Variants in SH3PXD2A observed in about 807,000 individuals in gnomAD.
The protein encoded by SH3PXD2A is SH3 and PX domains 2A, also known as SH3 and PX domain-containing protein 2A.
SH3PXD2A carries 32 observed loss-of-function variants against 115.2 expected under a neutral mutation model. The ratio of observed to expected loss-of-function variants is 0.28; its 90% CI spans 0.21 to 0.37. The LOEUF (loss-of-function observed/expected upper bound fraction) is 0.37. Among genes scored for constraint, SH3PXD2A ranks in the 10% least tolerant of loss-of-function variants. SH3PXD2A has a pLI of 1.00. For missense variants in SH3PXD2A, 1,328 were observed against 1,498.7 expected (o/e 0.89, Z 1.88); for synonymous variants, 610 against 629.1 (o/e 0.97, Z 0.45).
chr10:103,622,877 C>G (rs563431343), intron 9 of SH3PXD2A, among the ~76,000 whole-genome samples: 1 of 152,334 alleles, frequency 6.6e-6, no homozygotes, highest in East Asian at 1.9e-4. Context: ...AAGACAGCCC[C>G]TCAGCTACAG....
At chr10:103,647,153 G>A (rs868798752) in intron 8 of SH3PXD2A, among the ~76,000 whole-genome samples, 2 of 152,150 alleles carry the variant, frequency 1.3e-5, no homozygotes, top group African/African-American at 4.8e-5. Context: ...TGTCACCCAT[G>A]AGGAGCCACA....
chr10:103,742,720 C>T (rs1388498296), intron 3 of SH3PXD2A, among the ~76,000 whole-genome samples: 2 of 152,154 alleles, frequency 1.3e-5, no homozygotes, highest in Admixed American at 1.3e-4. Flanking sequence ...GATATGAGTG[C>T]AGCCTGAAGC....
Position 103,603,691 on chromosome 10 carries a change from G to A in SH3PXD2A, c.1527C>T (p.Asn509=). 6.2e-7 allele frequency: 1 copy of A among 1,609,638 alleles called. No individual in the cohort carries two copies. The highest frequency in any genetic ancestry group is 8.5e-7 in the Non-Finnish European group (1 of 1,179,154). ...ASYIDKRKKP[N]LSRRTSTLTR... Reference sequence around the variant, plus strand: ...TCAGCGTGCTTGTGCGGCGGCTCAGGTTGGGCTTCTTGCGCTTATCGATGT... The same window carrying A: ...TCAGCGTGCTTGTGCGGCGGCTCAGATTGGGCTTCTTGCGCTTATCGATGT... Residue 509 remains asparagine, a synonymous_variant, in exon 15 of 15, where the codon AAC becomes AAT. Coordinates refer to ENST00000369774, the MANE Select transcript of SH3PXD2A (RefSeq NM_001394015.1).
chr10:103,646,215 G>A lies in SH3PXD2A; in HGVS notation c.604+14768C>T, dbSNP rs115177135. On this transcript the variant is annotated intron_variant, in intron 8 of 14. Transcript: ENST00000369774. ...CCATCCTGGGGCCTCAGCTAGGTTT[G>A]TGGTGACCTAGGATTAGGTTCTCTC... Among the ~76,000 whole-genome samples, 35 of 152,284 alleles carry A rather than the reference G, an allele frequency of 2.3e-4. 1 individual carries two copies. Among genetic ancestry groups the A allele is most frequent in the African/African-American group, 6.5e-4 (27 of 41,564 alleles).
rs2036139834 is a variant in SH3PXD2A, at chr10:103,596,663, A to ACTCTCTCTCTCTCTTTCT, written c.*5152_*5153insAGAAAGAGAGAGAGAGAG. The ACTCTCTCTCTCTCTTTCT allele has an allele frequency of 1.6e-5, 2 of 124,440 alleles. No individual in the cohort carries two copies. Among genetic ancestry groups the ACTCTCTCTCTCTCTTTCT allele is most frequent in the Admixed American group, 8.0e-5 (1 of 12,474 alleles). 7.7% of individuals were successfully genotyped at this position (124,440 alleles called of 1,614,324 possible). ...CACACACACACACACACACACACAC[A>ACTCTCTCTCTCTCTTTCT]CTCTCTCTCTCTCTCTCTCTCTCAC... On this transcript the variant is annotated 3_prime_UTR_variant, in exon 15 of 15. Transcript: ENST00000369774.
intron 9 of SH3PXD2A, among the ~76,000 whole-genome samples, chr10:103,623,361 C>T (rs2036639751): frequency 6.6e-6 from 1 of 152,134 alleles, no homozygotes; most frequent in Admixed American, 6.5e-5. Flanking sequence ...CTCTGAGCCC[C>T]CTGCACCCTC....
intron 7 of SH3PXD2A, among the ~76,000 whole-genome samples, chr10:103,664,662 T>C (rs923800952): frequency 8.2e-6 from 1 of 121,844 alleles, no homozygotes; most frequent in African/African-American, 3.3e-5. Flanking sequence ...ATGGGTTTCT[T>C]TCTCTCTCTT....
intron 1 of SH3PXD2A, among the ~76,000 whole-genome samples, chr10:103,853,484 T>A (rs1384251219): frequency 6.6e-6 from 1 of 151,742 alleles, no homozygotes; most frequent in Non-Finnish European, 1.5e-5. Context: ...CTGGGGGAGG[T>A]TTAAATAACT....
chr10:103,796,647 T>TG (rs747549858), intron 2 of SH3PXD2A, among the ~76,000 whole-genome samples: 16 of 152,082 alleles, frequency 1.1e-4, no homozygotes, highest in Non-Finnish European at 1.5e-5. Context: ...AGCTGCTGCC[T>TG]GGGGGGCCTC....
chr10:103,772,149 G>T (rs2038829813), intron 2 of SH3PXD2A, among the ~76,000 whole-genome samples: 1 of 152,194 alleles, frequency 6.6e-6, no homozygotes, highest in Non-Finnish European at 1.5e-5. Context: ...TTGCAAAGCT[G>T]CACAGTTCAG....
At chr10:103,851,517 C>A (rs1488898679) in intron 1 of SH3PXD2A, among the ~76,000 whole-genome samples, 1 of 152,178 alleles carries the variant, frequency 6.6e-6, no homozygotes, top group Non-Finnish European at 1.5e-5. Flanking sequence ...AGAAGGGCCC[C>A]ACCTTATATC....
Position 103,594,229 on chromosome 10 carries a change from G to A in SH3PXD2A, c.*7587C>T, listed in dbSNP as rs1326533024. The A allele has an allele frequency of 6.6e-6, 1 of 152,560 alleles. No individual in the cohort carries two copies. Among genetic ancestry groups the A allele is most frequent in the Non-Finnish European group, 1.5e-5 (1 of 68,038 alleles). The allele number at this position is 152,560 out of a possible 1,614,324, so 9.5% of individuals were successfully genotyped here. On this transcript the variant is annotated 3_prime_UTR_variant, in exon 15 of 15. Transcript: ENST00000369774. The stretch of plus-strand genomic sequence containing the variant: ...CAAGGGGCTGGTCCCTTCCCCAAGG[G>A]CACTGCATTTTTGTGATGAGATTAA...
At chr10:103,621,810 T>C (rs535467861) in intron 10 of SH3PXD2A, among the ~76,000 whole-genome samples, 6 of 152,236 alleles carry the variant, frequency 3.9e-5, no homozygotes, top group Admixed American at 6.5e-5. Context: ...GCCCATGTGC[T>C]GGGCCTGGGG....
At chr10:103,696,890 C>T (rs2037831594) in intron 5 of SH3PXD2A, among the ~76,000 whole-genome samples, 1 of 152,198 alleles carries the variant, frequency 6.6e-6, no homozygotes, top group Middle Eastern at 3.2e-3. Context: ...ACTGGACAAA[C>T]TGGGATGGGT....
At position 103,661,077 on chromosome 10, in the gene SH3PXD2A, C is replaced by CTGT; in HGVS notation, c.507_509dup (p.Gln170dup). On this transcript the variant is annotated inframe_insertion, in exon 8 of 15. Coordinates refer to ENST00000369774, the MANE Select transcript of SH3PXD2A (RefSeq NM_001394015.1). The stretch of plus-strand genomic sequence containing the variant: ...TCTTATAGTTGGACACCACCACGTA[C>CTGT]TGTTCCAGGATCATGGGCTCGGCGG... 2.8e-5 allele frequency: 46 copies of CTGT among 1,614,078 alleles called. No individual in the cohort carries two copies. Among genetic ancestry groups the CTGT allele is most frequent in the Non-Finnish European group, 3.8e-5 (45 of 1,179,944 alleles).
At chr10:103,633,994 C>T (rs1262456252) in intron 8 of SH3PXD2A, among the ~76,000 whole-genome samples, 2 of 152,216 alleles carry the variant, frequency 1.3e-5, no homozygotes, top group East Asian at 3.9e-4. Flanking sequence ...CCCTGCCCAG[C>T]GGGCCCCTGT....
chr10:103,610,696 G>A (rs1010305864), intron 13 of SH3PXD2A, among the ~76,000 whole-genome samples: 3 of 152,156 alleles, frequency 2.0e-5, no homozygotes, highest in Non-Finnish European at 2.9e-5. Context: ...TACCAAGCAG[G>A]CAAGAGCTGA....
intron 3 of SH3PXD2A, among the ~76,000 whole-genome samples, chr10:103,739,936 G>C (rs1286524597): frequency 6.6e-6 from 1 of 152,226 alleles, no homozygotes; most frequent in Admixed American, 6.5e-5. Context: ...TGGGCCACAG[G>C]CTGGCTGTGT....
In SH3PXD2A at chr10:103,717,482, G is replaced by C. The variant is rs138842682; in HGVS notation, c.398+6788C>G. Among the ~76,000 whole-genome samples, 1,219 of 152,276 alleles carry C rather than the reference G, an allele frequency of 8.0e-3. 16 individuals are homozygous for C. The highest frequency in any genetic ancestry group is 0.028 in the African/African-American group (1,175 of 41,562). ...GAGAGGAGGGTGCTCCTGGTGGAGG[G>C]AACCATGGGGCAGAGCATGGAGGCT... On this transcript the variant is annotated intron_variant, in intron 5 of 14. Coordinates refer to ENST00000369774, the MANE Select transcript of SH3PXD2A (RefSeq NM_001394015.1).
Sources: allele counts gnomAD v4.1 joint callset (sites outside exome capture counted in the v4.1 genomes callset), GRCh38; gene constraint gnomAD v4.1.1; transcripts MANE v1.5; gene names NCBI Gene and HGNC (gene_info 2026-07-23, HGNC 2026-07-21).